SMC1B: variants seen among roughly 807,000 people sequenced by gnomAD.
SMC1B encodes structural maintenance of chromosomes protein 1B.
In SMC1B, 60 loss-of-function variants were observed where a neutral mutation model predicts 157.9. The observed-to-expected ratio is 0.38, with a 90% CI of 0.31 to 0.47. The LOEUF (loss-of-function observed/expected upper bound fraction) is 0.47. Ranked by LOEUF, SMC1B falls within the 20% of genes least tolerant of loss-of-function variation. The probability of loss-of-function intolerance (pLI) is 0.99; values close to 1 mark genes in which losing one functional copy is unlikely to be tolerated. For missense variants in SMC1B, 1,165 were observed against 1,426.2 expected (o/e 0.82, Z 2.95); for synonymous variants, 445 against 483.0 (o/e 0.92, Z 1.03).
chr22:45,369,151 C>CA (rs2086804794), intron 15 of SMC1B, among the ~76,000 whole-genome samples: 1 of 151,910 alleles, frequency 6.6e-6, no homozygotes, highest in Admixed American at 6.6e-5. Context: ...AGGCTAAGTG[C>CA]AGTGGCACGA....
rs2087380024 is a variant in SMC1B, at chr22:45,413,483, A to C, written c.85T>G (p.Cys29Gly). 1 of 1,610,188 alleles carries C rather than the reference A, an allele frequency of 6.2e-7. No homozygotes were observed. ...CCAGAGCCGTTGGGGCCGATGATGCAGGTGAACCTCCGGAAGGGGCCAATG... is the reference window on the plus strand; with the variant it reads ...CCAGAGCCGTTGGGGCCGATGATGCCGGTGAACCTCCGGAAGGGGCCAATG... Reference protein sequence around the residue: ...QVIGPFRRFTCIIGPNGSGKS... With the variant: ...QVIGPFRRFTGIIGPNGSGKS... Residue 29 changes from cysteine to glycine, a missense_variant, in exon 1 of 25, where the codon TGC (cysteine) becomes GGC (glycine). Transcript: ENST00000357450.
chr22:45,370,561 G>A (rs937109188), intron 14 of SMC1B, among the ~76,000 whole-genome samples: 5 of 152,172 alleles, frequency 3.3e-5, no homozygotes, highest in Admixed American at 2.6e-4. Context: ...ATTATAGGAT[G>A]AGAAAGAACT....
At chr22:45,348,848 GC>G (rs1301828093) in intron 23 of SMC1B, among the ~76,000 whole-genome samples, 1 of 151,284 alleles carries the variant, frequency 6.6e-6, no homozygotes, top group Non-Finnish European at 1.5e-5. Flanking sequence ...ACAGATGTGT[GC>G]CACCATGCTC....
chr22:45,352,740 A>G, intron 21 of SMC1B, 138 bp from the exon 22 acceptor site: 1 of 833,748 alleles, frequency 1.2e-6, no homozygotes. Context: ...TAAATAATGT[A>G]TTTAGTTCTA....
At chr22:45,362,638 C>T (rs558623138) in intron 16 of SMC1B, among the ~76,000 whole-genome samples, 48 of 152,314 alleles carry the variant, frequency 3.2e-4, no homozygotes, top group African/African-American at 1.1e-3. Context: ...CTCTCCTTAA[C>T]CTGCTGCTCC....
chr22:45,364,907 G>A (rs1198132238), intron 15 of SMC1B, among the ~76,000 whole-genome samples: 1 of 142,580 alleles, frequency 7.0e-6, no homozygotes, highest in Non-Finnish European at 1.5e-5. Context: ...GCACGATCTC[G>A]GCTCACTGCA....
intron 12 of SMC1B, among the ~76,000 whole-genome samples, chr22:45,381,531 C>T (rs1244384903): frequency 6.6e-6 from 1 of 152,148 alleles, no homozygotes; most frequent in Non-Finnish European, 1.5e-5. Flanking sequence ...TAACTTACCC[C>T]CAGATTCCAC....
At chr22:45,370,114 A>C (rs981087453) in intron 14 of SMC1B, 54 bp from the exon 15 acceptor site, 19 of 1,006,990 alleles carry the variant, frequency 1.9e-5, no homozygotes, top group African/African-American at 1.7e-4. Context: ...AGAAATATAT[A>C]ATCTTAAATA....
At chr22:45,412,896 C>T (rs891385213) in intron 1 of SMC1B, among the ~76,000 whole-genome samples, 1 of 152,210 alleles carries the variant, frequency 6.6e-6, no homozygotes, top group African/African-American at 2.4e-5. Context: ...AACCCATTAC[C>T]TCCTCGACAG....
At chr22:45,355,721 A>G (rs1193374270) in intron 19 of SMC1B, among the ~76,000 whole-genome samples, 6 of 9,302 alleles carry the variant, frequency 6.5e-4, no homozygotes, top group African/African-American at 2.9e-3. Flanking sequence ...GATGAATAGA[A>G]GAGAAAAAGT....
rs559888815 is a variant in SMC1B, at chr22:45,347,673, C to T, written c.3495+2055G>A. 4.6e-5 allele frequency among the ~76,000 whole-genome samples: 7 copies of T among 152,242 alleles called. No individual in the cohort carries two copies. The East Asian group carries it at 5.8e-4, about 13-fold the overall frequency. On this transcript the variant is annotated intron_variant, in intron 23 of 24. Coordinates refer to ENST00000357450, the MANE Select transcript of SMC1B (RefSeq NM_148674.5). Reference sequence around the variant, plus strand: ...CTCACTATGTTGCTCAGGCTGGTCTCGAAGTCCTGAGCTCAAGTGATCCTC... The same window carrying T: ...CTCACTATGTTGCTCAGGCTGGTCTTGAAGTCCTGAGCTCAAGTGATCCTC...
intron 15 of SMC1B, among the ~76,000 whole-genome samples, chr22:45,369,156 G>A (rs542792538): frequency 1.3e-5 from 2 of 152,108 alleles, no homozygotes; most frequent in Admixed American, 6.5e-5. Flanking sequence ...AAGTGCAGTG[G>A]CACGATCTCG....
chr22:45,394,157 A>G (rs1405222592), intron 8 of SMC1B, among the ~76,000 whole-genome samples: 1 of 151,472 alleles, frequency 6.6e-6, no homozygotes, highest in Non-Finnish European at 1.5e-5. Context: ...CTGTCTCTAC[A>G]AAATACAAAA....
chr22:45,390,974 C>T (rs1479930043), intron 9 of SMC1B, among the ~76,000 whole-genome samples: 2 of 151,870 alleles, frequency 1.3e-5, no homozygotes, highest in African/African-American at 4.8e-5. Flanking sequence ...ATATCTTTGA[C>T]TTTTTCTTCT....
intron 1 of SMC1B, among the ~76,000 whole-genome samples, chr22:45,411,895 T>G (rs971925796): frequency 2.0e-5 from 3 of 149,900 alleles, no homozygotes; most frequent in Non-Finnish European, 4.4e-5. Context: ...TATTTTTTTG[T>G]TGAGACAGAG....
intron 23 of SMC1B, among the ~76,000 whole-genome samples, chr22:45,346,057 TAGGC>T (rs963102044): frequency 2.0e-5 from 3 of 151,754 alleles, no homozygotes; most frequent in African/African-American, 4.8e-5. Context: ...ACAAAAAAAT[TAGGC>T]AGGCATGGTG....
At chr22:45,351,813 GT>G (rs1358348057) in intron 22 of SMC1B, among the ~76,000 whole-genome samples, 1 of 152,180 alleles carries the variant, frequency 6.6e-6, no homozygotes, top group African/African-American at 2.4e-5. Context: ...GTTGAAAGAG[GT>G]TAATTGCCTT....
intron 12 of SMC1B, 43 bp downstream of exon 12, chr22:45,383,424 T>C (rs2086957393): frequency 6.9e-7 from 1 of 1,451,768 alleles, no homozygotes; most frequent in Non-Finnish European, 9.1e-7. Flanking sequence ...AAAAACACAA[T>C]TATTCTACTT....
intron 24 of SMC1B, among the ~76,000 whole-genome samples, chr22:45,345,163 TAAG>T (rs1460158401): frequency 1.3e-5 from 2 of 152,320 alleles, no homozygotes; most frequent in East Asian, 1.9e-4. Context: ...ACTGCAGAAA[TAAG>T]AAGTATAATG....
Sources: gnomAD v4.1 joint callset for allele counts (sites outside exome capture counted in the v4.1 genomes callset) on GRCh38, gnomAD v4.1.1 for gene constraint, MANE v1.5 for transcripts, NCBI Gene and HGNC (gene_info 2026-07-23, HGNC 2026-07-21) for gene names.